Variants in ADAMTS17 observed in about 807,000 individuals in gnomAD.
ADAMTS17 encodes the protein ADAM metallopeptidase with thrombospondin type 1 motif 17.
Under a neutral mutation model 141.5 loss-of-function variants are expected in ADAMTS17, and 113 were observed. The ratio of observed to expected loss-of-function variants is 0.80; its 90% confidence interval spans 0.69 to 0.93. The LOEUF (loss-of-function observed/expected upper bound fraction) is 0.93, where lower values mean the gene tolerates loss of function less well. ADAMTS17 is among the 40% of genes least tolerant of loss of function. The pLI, the probability that ADAMTS17 is intolerant of heterozygous loss-of-function variation, is 0.00. For missense variants in ADAMTS17, 1,659 were observed against 1,517.9 expected (o/e 1.09, Z -1.54); for synonymous variants, 768 against 630.6 (o/e 1.22, Z -3.27).
At chr15:100,045,509 C>T (rs1304588231) in intron 18 of ADAMTS17, among the ~76,000 whole-genome samples, 2 of 152,146 alleles carry the variant, frequency 1.3e-5, no homozygotes, top group Non-Finnish European at 2.9e-5. Context: ...AGTCTCAGTT[C>T]AGGTCTTCTA....
chr15:100,295,030 G>A (rs1391891427), intron 3 of ADAMTS17, among the ~76,000 whole-genome samples: 4 of 152,062 alleles, frequency 2.6e-5, no homozygotes, highest in East Asian at 1.9e-4. Context: ...TGCTTTCTCA[G>A]GACACCAAAG....
chr15:100,329,447 G>A (rs1054338053), intron 3 of ADAMTS17, among the ~76,000 whole-genome samples: 11 of 151,584 alleles, frequency 7.3e-5, no homozygotes, highest in Admixed American at 4.6e-4. Flanking sequence ...GATCACCTGA[G>A]CGCAGGAGGT....
chr15:100,198,668 C>T (rs191875844), intron 8 of ADAMTS17, among the ~76,000 whole-genome samples: 2 of 152,314 alleles, frequency 1.3e-5, no homozygotes, highest in Admixed American at 6.5e-5. Flanking sequence ...GTTTGAGCGT[C>T]GTCTGGCTTT....
chr15:100,014,619 C>T (rs987082804), intron 18 of ADAMTS17, among the ~76,000 whole-genome samples: 12 of 152,064 alleles, frequency 7.9e-5, no homozygotes, highest in South Asian at 2.1e-4. Context: ...CTTTTTGACC[C>T]GATGCTCATT....
chr15:100,036,059 T>G (rs1228798604), intron 18 of ADAMTS17, among the ~76,000 whole-genome samples: 1 of 152,162 alleles, frequency 6.6e-6, no homozygotes, highest in Non-Finnish European at 1.5e-5. Context: ...GTCTCCAATG[T>G]GATGCTCGGG....
intron 14 of ADAMTS17, among the ~76,000 whole-genome samples, chr15:100,105,298 G>A (rs1212219869): frequency 1.3e-5 from 2 of 152,224 alleles, no homozygotes; most frequent in Non-Finnish European, 2.9e-5. Context: ...CCACCATCGA[G>A]CATCATGAAA....
At chr15:100,001,879 G>A (rs2060930272) in intron 18 of ADAMTS17, among the ~76,000 whole-genome samples, 1 of 150,342 alleles carries the variant, frequency 6.7e-6, no homozygotes, top group Non-Finnish European at 1.5e-5. Flanking sequence ...TGAGGTGAGA[G>A]AACTGTCTGG....
intron 20 of ADAMTS17, among the ~76,000 whole-genome samples, chr15:99,983,855 A>C (rs1459179493): frequency 1.3e-5 from 2 of 152,204 alleles, no homozygotes; most frequent in African/African-American, 4.8e-5. Flanking sequence ...CCTGACAGTA[A>C]CTGCAGTTTC....
rs117149290 is a variant in ADAMTS17 at position 100,149,106 on chromosome 15, G to A, written c.1473+3506C>T. On this transcript the variant is annotated intron_variant, in intron 10 of 21. Transcript: ENST00000268070. ...GATAACAGCATATGTACGCTCTCCT[G>A]CCATACCCAACATCAACCACAACAC... Among the ~76,000 whole-genome samples the A allele has an allele frequency of 7.7e-3, 1,166 of 152,356 alleles. 3 individuals carry two copies. Among genetic ancestry groups the A allele is most frequent in the Non-Finnish European group, 0.013 (892 of 68,040 alleles).
At chr15:100,091,028 A>AAAAAAAAAAAAAG (rs369355348) in intron 15 of ADAMTS17, among the ~76,000 whole-genome samples, 12 of 143,638 alleles carry the variant, frequency 8.4e-5, no homozygotes, top group African/African-American at 3.2e-4. Context: ...AAAAAAAAAA[A>AAAAAAAAAAAAAG]GGGTAACCAA....
At chr15:100,232,290 C>T (rs1567398752) in intron 7 of ADAMTS17, among the ~76,000 whole-genome samples, 1 of 152,208 alleles carries the variant, frequency 6.6e-6, no homozygotes, top group East Asian at 1.9e-4. Flanking sequence ...AGCATGGAGC[C>T]AGGGTGGGAG....
intron 7 of ADAMTS17, among the ~76,000 whole-genome samples, chr15:100,217,450 T>A (rs2042003463): frequency 6.6e-6 from 1 of 151,686 alleles, no homozygotes; most frequent in Admixed American, 6.6e-5. Context: ...ATACAAAAAA[T>A]TAGGTGGGCG....
intron 2 of ADAMTS17, among the ~76,000 whole-genome samples, chr15:100,340,617 A>G (rs771402315): frequency 2.1e-4 from 32 of 152,176 alleles, no homozygotes; most frequent in Non-Finnish European, 3.8e-4. Flanking sequence ...TCCAAGTCCA[A>G]GAACATAACA....
chr15:100,100,741 C>T lies in ADAMTS17; in HGVS notation c.2017-4265G>A, dbSNP rs181327219. On this transcript the variant is annotated intron_variant, in intron 14 of 21. Transcript: ENST00000268070. ...GGGAGCATTTTTCTCCTGCCTGCTG[C>T]CAGACTAATCTCCACACAAAAAGAG... 5.4e-4 allele frequency among the ~76,000 whole-genome samples: 81 copies of T among 149,348 alleles called. 3 individuals are homozygous for T. The highest frequency in any genetic ancestry group is 1.9e-3 in the African/African-American group (74 of 39,200).
chr15:100,176,515 G>A (rs985853100), intron 8 of ADAMTS17, among the ~76,000 whole-genome samples: 1 of 152,156 alleles, frequency 6.6e-6, no homozygotes, highest in African/African-American at 2.4e-5. Context: ...GAAAAACACA[G>A]GTAGGTTGCA....
rs529678930 is a variant in ADAMTS17, at chr15:100,043,012, G to A, written c.2591+5845C>T. Among the ~76,000 whole-genome samples the A allele has an allele frequency of 6.6e-5, 10 of 152,216 alleles. No homozygotes were observed. The South Asian group carries it at 8.3e-4, about 13-fold the overall frequency. ...TATGTATGTGTATGTATGTACGCAC[G>A]GATCTATCTTGTTAGGAATTGCAAG... On this transcript the variant is annotated intron_variant, in intron 18 of 21. Transcript: ENST00000268070.
intron 18 of ADAMTS17, among the ~76,000 whole-genome samples, chr15:100,011,300 G>GGGAAGGAAAGGAGGGATGGGAGGGA (rs376161678): frequency 7.2e-4 from 2 of 2,784 alleles, no homozygotes; most frequent in African/African-American, 3.9e-3. Flanking sequence ...GGAGGAGGGA[G>GGGAAGGAAAGGAGGGATGGGAGGGA]GGGAGGGAAG....
At chr15:100,093,032 T>G (rs998369335) in intron 15 of ADAMTS17, among the ~76,000 whole-genome samples, 1 of 152,220 alleles carries the variant, frequency 6.6e-6, no homozygotes, top group Non-Finnish European at 1.5e-5. Flanking sequence ...CATGAGCATT[T>G]TGAAGCCCAT....
rs930651381 is a variant in ADAMTS17 at position 100,063,589 on chromosome 15, G to A, written c.2138-9535C>T. ...ACAGGCGTGAAACCAGCCATAACCC[G>A]GGAGGAATGACACTGAACCAATTTA... On this transcript the variant is annotated intron_variant, in intron 15 of 21. Transcript: ENST00000268070. 5.5e-5 allele frequency: 63 copies of A among 1,139,790 alleles called. 3 individuals are homozygous for A. The South Asian group carries it at 5.8e-4, about 10-fold the overall frequency. 70.6% of individuals were successfully genotyped at this position (1,139,790 alleles called of 1,614,324 possible). A position where few individuals can be genotyped will look rare whatever the true frequency, so the allele number is the denominator to read the frequency against.
Sources: allele counts gnomAD v4.1 joint callset (sites outside exome capture counted in the v4.1 genomes callset), GRCh38; gene constraint gnomAD v4.1.1; transcripts MANE v1.5; gene names NCBI Gene and HGNC (gene_info 2026-07-23, HGNC 2026-07-21).